The following JPT2 variants were observed in gnomAD, a reference collection of about 807,000 sequenced individuals.
The protein encoded by JPT2 is CRAMP_1 like.
In JPT2, 9 loss-of-function variants were observed where a neutral mutation model predicts 15.9. That is an observed-to-expected ratio of 0.57 (90% CI 0.34 to 0.99). The LOEUF (loss-of-function observed/expected upper bound fraction) is 0.99. JPT2 is among the 50% of genes least tolerant of loss of function. The probability of loss-of-function intolerance (pLI) is 0.02; values close to 1 mark genes in which losing one functional copy is unlikely to be tolerated. For synonymous variants in JPT2, 95 were observed against 91.7 expected (o/e 1.04, Z -0.21); for missense variants, 267 against 252.1 (o/e 1.06, Z -0.40).
intron 3 of JPT2, 69 bp downstream of exon 3, chr16:1,692,054 A>C: frequency 6.4e-7 from 1 of 1,573,484 alleles, no homozygotes; most frequent in Non-Finnish European, 8.7e-7. Flanking sequence ...AAAAGGCTCC[A>C]AGGCAGATGC....
intron 1 of JPT2, 131 bp downstream of exon 1, chr16:1,678,487 T>G: frequency 5.4e-6 from 5 of 923,022 alleles, no homozygotes; most frequent in East Asian, 3.5e-5. Flanking sequence ...ACAGAGGCCC[T>G]CGGGGCCGCC....
Position 1,692,002 on chromosome 16 carries a change from G to C in JPT2, c.336+17G>C. 1.9e-6 allele frequency: 3 copies of C among 1,613,852 alleles called. No individual in the cohort carries two copies. Among genetic ancestry groups the C allele is most frequent in the South Asian group, 1.1e-5 (1 of 91,062 alleles). ...AAACCCAAGGTATGGACTGCATTCA[G>C]ACGTGACAGCGCAGCAGCGGGTATG... On this transcript the variant is annotated intron_variant, in intron 3 of 4. Transcript: ENST00000248098.
chr16:1,678,479 A>G lies in JPT2; in HGVS notation c.44+123A>G, dbSNP rs1260666461. ...GGGTTGGGGGGCAGGGCGACCTCAC[A>G]GAGGCCCTCGGGGCCGCCGCCCGCC... On this transcript the variant is annotated intron_variant, in intron 1 of 4. Transcript: ENST00000248098. The G allele has an allele frequency of 1.3e-5, 13 of 998,188 alleles. No individual in the cohort carries two copies. The East Asian group carries it at 4.4e-4, about 34-fold the overall frequency. The allele number at this position is 998,188 out of a possible 1,614,324, so 61.8% of individuals were successfully genotyped here. A position where few individuals can be genotyped will look rare whatever the true frequency, so the allele number is the denominator to read the frequency against.
At chr16:1,678,810 G>A (rs2036995965) in intron 1 of JPT2, among the ~76,000 whole-genome samples, 1 of 152,034 alleles carries the variant, frequency 6.6e-6, no homozygotes, top group Admixed American at 6.6e-5. Flanking sequence ...GTGTTCGTGG[G>A]GGGTGTCTGG....
At chr16:1,687,857 T>C (rs2037078813) in intron 2 of JPT2, among the ~76,000 whole-genome samples, 1 of 152,228 alleles carries the variant, frequency 6.6e-6, no homozygotes, top group Non-Finnish European at 1.5e-5. Context: ...TCCTGCCTTC[T>C]TTCTACACTT....
intron 2 of JPT2, 33 bp from the exon 3 acceptor site, chr16:1,691,799 CGGTGGACGTCT>C: frequency 6.3e-7 from 1 of 1,586,692 alleles, no homozygotes; most frequent in Non-Finnish European, 8.6e-7. Context: ...GGGTGGGGTC[CGGTGGACGTCT>C]GGTTGCTCAG....
At position 1,692,013 on chromosome 16, in the gene JPT2, G is replaced by A. The variant is rs372877963; in HGVS notation, c.336+28G>A. On this transcript the variant is annotated intron_variant, in intron 3 of 4. Coordinates refer to ENST00000248098, the MANE Select transcript of JPT2 (RefSeq NM_144570.3). ...ATGGACTGCATTCAGACGTGACAGC[G>A]CAGCAGCGGGTATGCCAGGTGCTCT... The A allele has an allele frequency of 3.3e-5, 53 of 1,612,392 alleles. 1 individual carries two copies. In the East Asian group the frequency reaches 3.3e-4, roughly 10 times the overall value.
intron 1 of JPT2, chr16:1,683,745 C>G (rs181309647): frequency 2.5e-4 from 152 of 597,216 alleles, no homozygotes; most frequent in Middle Eastern, 1.1e-3. Flanking sequence ...AGCGCTCTTT[C>G]TAGATCTTTT....
At position 1,697,841 on chromosome 16, in the gene JPT2, A is replaced by G. The variant is rs1371447496; in HGVS notation, c.366A>G (p.Glu122=). 1 of 1,613,944 alleles carries G rather than the reference A, an allele frequency of 6.2e-7. No individual in the cohort carries two copies. Among genetic ancestry groups the G allele is most frequent in the Non-Finnish European group, 8.5e-7 (1 of 1,180,000 alleles). Residue 122 remains glutamate (E), a synonymous_variant, in exon 4 of 5, where the codon GAA becomes GAG. Transcript: ENST00000248098. ...KDHVFLCEGE[E]PKSDLKAARS... is the part of the protein sequence containing the mutation. ...ATGTTTTCTTATGTGAAGGAGAAGA[A>G]CCAAAATCGGATCTTAAAGGTGAGC...
chr16:1,690,170 C>T (rs1596507687), intron 2 of JPT2: 1 of 152,200 alleles, frequency 6.6e-6, no homozygotes, highest in South Asian at 2.1e-4. Context: ...TAGGCCCCGC[C>T]GCAGCAGTGG....
chr16:1,696,508 G>A (rs946053800), intron 3 of JPT2, among the ~76,000 whole-genome samples: 4 of 151,232 alleles, frequency 2.6e-5, no homozygotes, highest in African/African-American at 9.7e-5. Context: ...GCAACAGAGT[G>A]AGACTCCGTG....
At chr16:1,693,222 G>A (rs918324185) in intron 3 of JPT2, among the ~76,000 whole-genome samples, 2 of 152,104 alleles carry the variant, frequency 1.3e-5, no homozygotes, top group African/African-American at 2.4e-5. Flanking sequence ...TCAGCGTCCC[G>A]AGTAGCCAGT....
At chr16:1,688,132 C>T (rs2037080941) in intron 2 of JPT2, among the ~76,000 whole-genome samples, 1 of 152,198 alleles carries the variant, frequency 6.6e-6, no homozygotes, top group Non-Finnish European at 1.5e-5. Context: ...GTGCTAAGTG[C>T]TTTGCATGTG....
chr16:1,692,318 T>G (rs553662377), intron 3 of JPT2: 84 of 309,852 alleles, frequency 2.7e-4, no homozygotes, highest in African/African-American at 1.7e-3. Context: ...AGCTGGGCCC[T>G]TGTCCGTCTT....
intron 1 of JPT2, among the ~76,000 whole-genome samples, chr16:1,683,964 G>C (rs1368296231): frequency 6.6e-6 from 1 of 152,160 alleles, no homozygotes; most frequent in African/African-American, 2.4e-5. Flanking sequence ...ATATAAAGTG[G>C]TGTAATGTTT....
chr16:1,697,064 A>G (rs79231405), intron 3 of JPT2, among the ~76,000 whole-genome samples: 2,944 of 152,360 alleles, frequency 0.019, 123 homozygotes, highest in African/African-American at 0.067. Context: ...TTGTCCATCA[A>G]CAGATGAATG....
chr16:1,693,382 C>T (rs2037117994), intron 3 of JPT2, among the ~76,000 whole-genome samples: 1 of 152,198 alleles, frequency 6.6e-6, no homozygotes, highest in African/African-American at 2.4e-5. Context: ...CAAATGTGAG[C>T]CACTGTGCCC....
At chr16:1,694,975 A>G (rs950742081) in intron 3 of JPT2, among the ~76,000 whole-genome samples, 3 of 152,234 alleles carry the variant, frequency 2.0e-5, no homozygotes, top group African/African-American at 7.2e-5. Context: ...ATTAAAAATA[A>G]ATTGGGCCGT....
Position 1,702,032 on chromosome 16 carries a change from C to G in JPT2, c.*3034C>G, listed in dbSNP as rs970243482. ...CTGCACTTCAGCCTGGACCACAGAG[C>G]AAGACCCTGTGTAAAAAAATAAAAT... On this transcript the variant is annotated 3_prime_UTR_variant, in exon 5 of 5. Transcript: ENST00000248098. The G allele has an allele frequency of 4.7e-6, 2 of 428,330 alleles. No homozygotes were observed. Among genetic ancestry groups the G allele is most frequent in the Non-Finnish European group, 9.5e-6 (2 of 211,412 alleles). The allele number at this position is 428,330 out of a possible 1,614,324, so 26.5% of individuals were successfully genotyped here.
Sources: gnomAD v4.1 joint callset for allele counts (sites outside exome capture counted in the v4.1 genomes callset) on GRCh38, gnomAD v4.1.1 for gene constraint, MANE v1.5 for transcripts, NCBI Gene and HGNC (gene_info 2026-07-23, HGNC 2026-07-21) for gene names.